Variants in BABAM2 observed in about 807,000 individuals in gnomAD.
The protein encoded by BABAM2 is BRISC and BRCA1-A complex member 2.
Under a neutral mutation model 54.7 loss-of-function variants are expected in BABAM2, and 31 were observed. The ratio of observed to expected loss-of-function variants is 0.57; its 90% CI spans 0.43 to 0.77. BABAM2 has a LOEUF of 0.77. Among genes scored for constraint, BABAM2 ranks in the 30% least tolerant of loss-of-function variants. The pLI is 0.00. For missense variants in BABAM2, 364 were observed against 455.8 expected (o/e 0.80, Z 1.83); for synonymous variants, 167 against 162.9 (o/e 1.03, Z -0.19).
rs1688354909 is a variant in BABAM2, at chr2:28,304,471, G to A, written c.1088+5980G>A. On this transcript the variant is annotated intron_variant, in intron 11 of 11. Coordinates refer to ENST00000379624, the MANE Select transcript of BABAM2 (RefSeq NM_199191.3). This position sits in a 1 kb window ranked among gnomAD's most constrained non-coding sequence, Gnocchi z 4.0. ...TTTTCTAGTTTGTTGCTGGTATACA[G>A]GAATACAAATGATTTTTCTATACTG... is the stretch of plus-strand genomic sequence containing the variant. Among the ~76,000 whole-genome samples the A allele has an allele frequency of 6.6e-6, 1 of 151,306 alleles. No homozygotes were observed. The highest frequency in any genetic ancestry group is 6.6e-5 in the Admixed American group (1 of 15,210).
chr2:28,218,532 C>T (rs532145938), intron 7 of BABAM2, among the ~76,000 whole-genome samples: 46 of 152,148 alleles, frequency 3.0e-4, no homozygotes, highest in African/African-American at 9.9e-4. Context: ...TCCTCATAAT[C>T]GGATTTATAT....
At chr2:28,335,872 G>A (rs184620336) in intron 11 of BABAM2, among the ~76,000 whole-genome samples, 104 of 152,324 alleles carry the variant, frequency 6.8e-4, no homozygotes, top group Non-Finnish European at 1.1e-3. Flanking sequence ...GCCAGCTCAG[G>A]GGGGTCTGTG....
At chr2:28,143,955 A>G (rs1451247287) in intron 7 of BABAM2, among the ~76,000 whole-genome samples, 3 of 152,146 alleles carry the variant, frequency 2.0e-5, no homozygotes, top group Non-Finnish European at 4.4e-5. Flanking sequence ...TGCCCCTCCC[A>G]TCATGATAAA....
chr2:28,260,932 A>C (rs1443325527), intron 10 of BABAM2, among the ~76,000 whole-genome samples: 4 of 126,470 alleles, frequency 3.2e-5, no homozygotes, highest in Admixed American at 9.4e-5. Flanking sequence ...AAAATTTTTC[A>C]TTTTCTTTCT....
intron 5 of BABAM2, among the ~76,000 whole-genome samples, chr2:28,040,502 G>A (rs942493197): frequency 3.3e-5 from 5 of 151,020 alleles, no homozygotes; most frequent in South Asian, 4.2e-4. Context: ...GGGTTTCACC[G>A]TTTTAGCCGG....
chr2:28,248,066 C>G (rs1683056439), intron 10 of BABAM2, among the ~76,000 whole-genome samples: 1 of 152,050 alleles, frequency 6.6e-6, no homozygotes, highest in African/African-American at 2.4e-5. Context: ...CATCCAGAAA[C>G]TATTTTTAGG....
chr2:28,252,143 G>A (rs1683549406), intron 10 of BABAM2, among the ~76,000 whole-genome samples: 2 of 151,154 alleles, frequency 1.3e-5, no homozygotes, highest in Admixed American at 6.6e-5. Context: ...CCGAGAACGT[G>A]CCGTTGCACT....
intron 7 of BABAM2, among the ~76,000 whole-genome samples, chr2:28,211,590 T>A (rs777259153): frequency 2.6e-4 from 40 of 152,036 alleles, no homozygotes; most frequent in Non-Finnish European, 5.3e-4. Flanking sequence ...GGTTTCACCA[T>A]GTTCACCAGG....
At chr2:28,112,972 T>C (rs922883427) in intron 6 of BABAM2, among the ~76,000 whole-genome samples, 1 of 152,166 alleles carries the variant, frequency 6.6e-6, no homozygotes, top group African/African-American at 2.4e-5. Context: ...TGAGCTTTTT[T>C]CATGTTTGTT....
intron 7 of BABAM2, among the ~76,000 whole-genome samples, chr2:28,226,055 A>G (rs1190009310): frequency 6.6e-6 from 1 of 152,234 alleles, no homozygotes; most frequent in Non-Finnish European, 1.5e-5. Flanking sequence ...TTAGAAAAAT[A>G]TTTAAATAAT....
intron 2 of BABAM2, among the ~76,000 whole-genome samples, chr2:27,897,608 T>A (rs1332875699): frequency 6.6e-6 from 1 of 152,116 alleles, no homozygotes; most frequent in Non-Finnish European, 1.5e-5. Context: ...CATCCTTAGA[T>A]AAGCCAGGGA....
intron 11 of BABAM2, among the ~76,000 whole-genome samples, chr2:28,313,846 C>T (rs1469524187): frequency 6.6e-6 from 1 of 152,182 alleles, no homozygotes; most frequent in Non-Finnish European, 1.5e-5. Flanking sequence ...AATGGTCCAT[C>T]GCTGCTTGAG....
intron 4 of BABAM2, among the ~76,000 whole-genome samples, chr2:27,989,610 T>C (rs189489710): frequency 6.6e-6 from 1 of 152,098 alleles, no homozygotes; most frequent in African/African-American, 2.4e-5. Flanking sequence ...CTAGGAGCCA[T>C]TGAAGGAAAT....
intron 11 of BABAM2, among the ~76,000 whole-genome samples, chr2:28,326,301 G>A (rs188444073): frequency 1.9e-4 from 29 of 152,198 alleles, no homozygotes; most frequent in Non-Finnish European, 3.2e-4. Flanking sequence ...AGGCAGCCAC[G>A]TGGCCATCAG....
At chr2:27,967,409 A>G (rs752802923) in intron 3 of BABAM2, among the ~76,000 whole-genome samples, 29 of 152,178 alleles carry the variant, frequency 1.9e-4, no homozygotes, top group Non-Finnish European at 2.9e-4. Context: ...GCCTTCTGCC[A>G]CGATTGTGTG....
chr2:28,026,801 A>ATAT (rs1491267438), intron 5 of BABAM2, among the ~76,000 whole-genome samples: 1 of 60,236 alleles, frequency 1.7e-5, no homozygotes, highest in Non-Finnish European at 3.7e-5. Flanking sequence ...ATATTTATAT[A>ATAT]AAAAATATAT....
chr2:27,924,358 A>G (rs1354412506), intron 2 of BABAM2, among the ~76,000 whole-genome samples: 1 of 151,998 alleles, frequency 6.6e-6, no homozygotes, highest in Non-Finnish European at 1.5e-5. Flanking sequence ...AAACTCCTCA[A>G]GGCAACAGAG....
chr2:28,238,140 G>A (rs558413972), intron 8 of BABAM2, among the ~76,000 whole-genome samples: 18 of 152,230 alleles, frequency 1.2e-4, no homozygotes, highest in African/African-American at 4.1e-4. Flanking sequence ...GTGAGCCACC[G>A]CGCCCAGCCA....
rs1275025373 is a variant in BABAM2 at position 27,892,896 on chromosome 2, A to G, written c.-24-1637A>G. Reference sequence around the variant, plus strand: ...ATGATTTTAGAACTGAAGTATGAATATAAAGGTGTTAATCTCGAAGATACT... The same window carrying G: ...ATGATTTTAGAACTGAAGTATGAATGTAAAGGTGTTAATCTCGAAGATACT... On this transcript the variant is annotated intron_variant, in intron 1 of 11. Transcript: ENST00000379624. 7.2e-5 allele frequency among the ~76,000 whole-genome samples: 11 copies of G among 152,344 alleles called. No homozygotes were observed. In the East Asian group the frequency reaches 1.7e-3, roughly 24 times the overall value.
Sources: gnomAD v4.1 joint callset for allele counts (sites outside exome capture counted in the v4.1 genomes callset) on GRCh38, gnomAD v4.1.1 for gene constraint, Gnocchi (gnomAD v3.1) non-coding constraint, MANE v1.5 for transcripts, NCBI Gene and HGNC (gene_info 2026-07-23, HGNC 2026-07-21) for gene names.